Variants in EDDM3A observed in about 807,000 individuals in gnomAD.
The protein encoded by EDDM3A is epididymal secretory protein E3-alpha.
For synonymous variants in EDDM3A, 75 were observed against 60.4 expected, an observed-to-expected ratio of 1.24 and a Z score of -1.12; for missense variants, 199 against 177.4, an observed-to-expected ratio of 1.12 and a Z score of -0.69.
At position 20,747,654 on chromosome 14, in the gene EDDM3A, G is replaced by A. The variant is rs1022175379; in HGVS notation, c.74G>A (p.Ser25Asn). The change falls in exon 2 of 2, where the codon AGT (serine) becomes AAT (asparagine). Residue 25 changes from serine (S) to asparagine (N), a missense_variant. Physicochemically the swap from Ser to Asn is conservative, Grantham distance 46 (BLOSUM62 1). Transcript: ENST00000326842. Reference protein sequence around the residue: ...LCILCRLCVYSNNIYWREFIK... With the variant: ...LCILCRLCVYNNNIYWREFIK... ...ATCCTTTGCAGGCTGTGTGTATACAGTAACAACATTTACTGGAGAGAATTC... is the reference window on the plus strand; with the variant it reads ...ATCCTTTGCAGGCTGTGTGTATACAATAACAACATTTACTGGAGAGAATTC... 2 of 1,614,144 alleles carry A rather than the reference G, an allele frequency of 1.2e-6. No homozygotes were observed. The highest frequency in any genetic ancestry group is 1.7e-5 in the Admixed American group (1 of 60,020).
the EDDM3A span, among the ~76,000 whole-genome samples, chr14:20,737,170 T>C: frequency 2.6e-5 from 4 of 151,762 alleles, no homozygotes; most frequent in Non-Finnish European, 5.9e-5. Flanking sequence ...TCTTCTACCT[T>C]AGCCTCCGAG....
At chr14:20,742,960 C>T (rs529613876), upstream of EDDM3A, among the ~76,000 whole-genome samples, 5 of 152,238 alleles carry the variant, frequency 3.3e-5, no homozygotes, top group South Asian at 4.1e-4. Flanking sequence ...GTCTCAAACT[C>T]GTGAGCTCAA....
intron 1 of EDDM3A, among the ~76,000 whole-genome samples, chr14:20,747,158 C>T (rs1249004152): frequency 7.2e-6 from 1 of 138,674 alleles, no homozygotes; most frequent in African/African-American, 2.7e-5. Flanking sequence ...GGCCGGAGTG[C>T]AGAGGTGTGA....
chr14:20,747,317 G>A (rs1451213417), intron 1 of EDDM3A, among the ~76,000 whole-genome samples: 4 of 151,962 alleles, frequency 2.6e-5, no homozygotes, highest in African/African-American at 7.3e-5. Context: ...GGTGTTTCTC[G>A]AACTCCTGAC....
At chr14:20,746,760 G>T (rs1307911211) in intron 1 of EDDM3A, among the ~76,000 whole-genome samples, 1 of 152,218 alleles carries the variant, frequency 6.6e-6, no homozygotes, top group Non-Finnish European at 1.5e-5. Flanking sequence ...ATTTTTCAGA[G>T]AAGTGCAATT....
chr14:20,738,495 AAATAAATAAAT>A, the EDDM3A span, among the ~76,000 whole-genome samples: 1 of 151,372 alleles, frequency 6.6e-6, no homozygotes, highest in East Asian at 1.9e-4. Flanking sequence ...ATAAATAAAT[AAATAAATAAAT>A]AAACAGTAGC....
At chr14:20,739,714 A>G in the EDDM3A span, among the ~76,000 whole-genome samples, 4 of 152,206 alleles carry the variant, frequency 2.6e-5, no homozygotes, top group Non-Finnish European at 4.4e-5. Flanking sequence ...CTCTAATGAT[A>G]ATAATACACT....
chr14:20,737,764 T>C, the EDDM3A span, among the ~76,000 whole-genome samples: 2 of 152,098 alleles, frequency 1.3e-5, no homozygotes, highest in Non-Finnish European at 2.9e-5. Context: ...AGAAAGGAAA[T>C]AGGAGAAAGA....
intron 1 of EDDM3A, among the ~76,000 whole-genome samples, chr14:20,746,927 C>T (rs1271483346): frequency 6.6e-6 from 1 of 152,100 alleles, no homozygotes; most frequent in East Asian, 1.9e-4. Context: ...CACATGATCT[C>T]CTGAGAGCTT....
rs1052307687 is a variant in EDDM3A, at chr14:20,748,113, C to G, written c.*89C>G. On this transcript the variant is annotated 3_prime_UTR_variant, in exon 2 of 2. Transcript: ENST00000326842. ...CCTCCATCAATAGCCCCTGCCACTC[C>G]CCGCTTACATTTATGTGTCAGTGTT... 25 of 907,820 alleles carry G rather than the reference C, an allele frequency of 2.8e-5. No individual in the cohort carries two copies. The highest frequency in any genetic ancestry group is 4.0e-5 in the Non-Finnish European group (24 of 599,250). 56.2% of individuals were successfully genotyped at this position (907,820 alleles called of 1,614,324 possible). A position where few individuals can be genotyped will look rare whatever the true frequency, so the allele number is the denominator to read the frequency against.
At chr14:20,744,876 A>C (rs1453806808), upstream of EDDM3A, among the ~76,000 whole-genome samples, 1 of 152,198 alleles carries the variant, frequency 6.6e-6, no homozygotes, top group Non-Finnish European at 1.5e-5. Context: ...CACTGTGTTC[A>C]CTAGATATTC....
upstream of EDDM3A, among the ~76,000 whole-genome samples, chr14:20,745,482 C>T (rs2873978): frequency 0.46 from 68,468 of 149,172 alleles, 15,998 homozygotes; most frequent in East Asian, 0.65. Flanking sequence ...GCCGAGATCT[C>T]GCCACTGCAC....
At chr14:20,738,956 G>A in the EDDM3A span, among the ~76,000 whole-genome samples, 1 of 152,158 alleles carries the variant, frequency 6.6e-6, no homozygotes, top group Non-Finnish European at 1.5e-5. Flanking sequence ...TCTCTATCTG[G>A]CACAGAGAAG....
At chr14:20,744,073 T>C (rs925668904), upstream of EDDM3A, among the ~76,000 whole-genome samples, 6 of 152,202 alleles carry the variant, frequency 3.9e-5, no homozygotes, top group African/African-American at 1.4e-4. Flanking sequence ...CAATAGACAA[T>C]GCACATTTGT....
chr14:20,739,168 A>G, the EDDM3A span, among the ~76,000 whole-genome samples: 6,857 of 152,284 alleles, frequency 0.045, 508 homozygotes, highest in African/African-American at 0.16. Context: ...TTTCTCATGT[A>G]AGTAGCTCTT....
chr14:20,744,400 T>C (rs998849163), upstream of EDDM3A, among the ~76,000 whole-genome samples: 2 of 152,180 alleles, frequency 1.3e-5, no homozygotes, highest in African/African-American at 4.8e-5. Context: ...TCAACTAAGG[T>C]GGTTTGGCTA....
At chr14:20,738,694 G>T in the EDDM3A span, among the ~76,000 whole-genome samples, 1 of 152,066 alleles carries the variant, frequency 6.6e-6, no homozygotes, top group Non-Finnish European at 1.5e-5. Flanking sequence ...AACAGAATGT[G>T]GTAACATGTG....
upstream of EDDM3A, among the ~76,000 whole-genome samples, chr14:20,744,571 T>G (rs1299515172): frequency 1.3e-5 from 2 of 152,246 alleles, no homozygotes; most frequent in Non-Finnish European, 2.9e-5. Flanking sequence ...GCTGTGATGT[T>G]AAAGGTAACC....
At chr14:20,737,317 T>A in the EDDM3A span, among the ~76,000 whole-genome samples, 2 of 152,102 alleles carry the variant, frequency 1.3e-5, no homozygotes, top group Admixed American at 1.3e-4. Flanking sequence ...CCACCTCGGC[T>A]TCCCAAAGTC....
Sources: gnomAD v4.1 joint callset for allele counts (sites outside exome capture counted in the v4.1 genomes callset) on GRCh38, gnomAD v4.1.1 for gene constraint, MANE v1.5 for transcripts, NCBI Gene and HGNC (gene_info 2026-07-23, HGNC 2026-07-21) for gene names.